The following CPM variants were observed in gnomAD, a reference collection of about 807,000 sequenced individuals.
The protein encoded by CPM is carboxypeptidase M.
A neutral mutation model predicts 46.4 loss-of-function variants in CPM; 35 were observed. The ratio of observed to expected loss-of-function variants is 0.75; its 90% CI spans 0.58 to 1.00. CPM has a LOEUF of 1.00. Ranked by LOEUF, CPM falls within the 50% of genes least tolerant of loss-of-function variation. The pLI is 0.00. For missense variants in CPM, 422 were observed against 530.4 expected (o/e 0.80, Z 2.01); for synonymous variants, 195 against 195.3 (o/e 1.00, Z 0.01).
chr12:68,870,390 A>T lies in CPM; in HGVS notation c.441T>A (p.Tyr147Ter), dbSNP rs1480421919. Residue 147 changes from tyrosine (Y) to a stop codon, truncating the protein, a stop_gained, in exon 5 of 9, where the codon TAT (tyrosine) becomes TAA (stop). Transcript: ENST00000551568. LOFTEE classifies it high-confidence loss of function. ...DCYYSIGREN[Y>*]NQYDLNRNFP... ...AATTTCGATTCAAGTCATACTGGTT[A>T]TAATTTTCCCTTTAAAAGAAAGAAT... The T allele has an allele frequency of 6.2e-7, 1 of 1,613,666 alleles. No individual in the cohort carries two copies.
chr12:68,842,280 G>A (rs1235352331), exon 6 of CPM: 1 of 496,552 alleles, frequency 2.0e-6, no homozygotes, highest in East Asian at 4.7e-5. Flanking sequence ...GGACATCAAA[G>A]AAGTCAGGCA....
chr12:68,897,004 C>T (rs1438268211), intron 2 of CPM, among the ~76,000 whole-genome samples: 1 of 151,590 alleles, frequency 6.6e-6, no homozygotes, highest in Non-Finnish European at 1.5e-5. Context: ...CCCAGAGAAA[C>T]AGAACAGCTT....
At position 68,926,711 on chromosome 12, in the gene CPM, G is replaced by A. The variant is rs563495840; in HGVS notation, c.160+5967C>T. 1.3e-4 allele frequency among the ~76,000 whole-genome samples: 20 copies of A among 151,638 alleles called. No individual in the cohort carries two copies. In the East Asian group the frequency reaches 2.1e-3, roughly 16 times the overall value. ...ATATCTCCTAATGCTATCCCTCCCC[G>A]CTCCCCCAACCCCACAACAGTCCCC... On this transcript the variant is annotated intron_variant, in intron 2 of 8. Transcript: ENST00000551568.
chr12:68,916,602 ATC>A (rs996123812), intron 2 of CPM, among the ~76,000 whole-genome samples: 3 of 152,134 alleles, frequency 2.0e-5, no homozygotes, highest in African/African-American at 7.2e-5. Context: ...CTTAAAGAGA[ATC>A]TCTGGGCTGG....
chr12:68,948,414 T>A (rs2136334033), intron 1 of CPM, among the ~76,000 whole-genome samples: 1 of 152,240 alleles, frequency 6.6e-6, no homozygotes, highest in East Asian at 1.9e-4. Context: ...CCCCAAAATA[T>A]TCAGGTAATA....
chr12:68,946,645 TC>T (rs1888852651), intron 1 of CPM, among the ~76,000 whole-genome samples: 2 of 152,200 alleles, frequency 1.3e-5, no homozygotes, highest in South Asian at 4.1e-4. Context: ...CTCAAAGCAG[TC>T]TGAAAAGTCT....
chr12:68,941,802 T>C (rs916264415), intron 1 of CPM, among the ~76,000 whole-genome samples: 17 of 152,178 alleles, frequency 1.1e-4, no homozygotes, highest in African/African-American at 4.1e-4. Flanking sequence ...CCTACCTCCT[T>C]CAAAGTAGCT....
rs1884964536 is a variant in CPM at position 68,856,273 on chromosome 12, C to T, written c.*164G>A. The T allele has an allele frequency of 1.3e-6, 1 of 750,770 alleles. No individual in the cohort carries two copies. Among genetic ancestry groups the T allele is most frequent in the Non-Finnish European group, 2.2e-6 (1 of 464,436 alleles). The allele number at this position is 750,770 out of a possible 1,614,324, so 46.5% of individuals were successfully genotyped here. A position where few individuals can be genotyped will look rare whatever the true frequency, so the allele number is the denominator to read the frequency against. On this transcript the variant is annotated 3_prime_UTR_variant, in exon 9 of 9. Transcript: ENST00000551568. ...TGAATCATTCTTTTCATTATCACCA[C>T]ATATTGCTTATTGTGGAATTTGGAA...
At chr12:68,895,257 G>A (rs529403621) in intron 2 of CPM, among the ~76,000 whole-genome samples, 1 of 152,190 alleles carries the variant, frequency 6.6e-6, no homozygotes, top group African/African-American at 2.4e-5. Flanking sequence ...GCTCTGGCCA[G>A]TGAAATGTGG....
chr12:68,880,361 C>A (rs1422719610), intron 3 of CPM, among the ~76,000 whole-genome samples: 4 of 152,136 alleles, frequency 2.6e-5, no homozygotes, highest in Non-Finnish European at 1.5e-5. Context: ...TCTGTCAGCT[C>A]CCCAGCAGTC....
intron 5 of CPM, chr12:68,843,710 T>A (rs1331285555): frequency 4.4e-6 from 1 of 224,720 alleles, no homozygotes; most frequent in African/African-American, 2.2e-5. Context: ...TCTCTCTCTC[T>A]CTCTCTGTCT....
At chr12:68,937,915 A>G (rs1191005370), upstream of CPM, among the ~76,000 whole-genome samples, 1 of 152,248 alleles carries the variant, frequency 6.6e-6, no homozygotes, top group Non-Finnish European at 1.5e-5. Flanking sequence ...CTAATTCTGA[A>G]TGAAAACAGG....
chr12:68,912,968 G>A (rs193137760), intron 2 of CPM, among the ~76,000 whole-genome samples: 18 of 152,288 alleles, frequency 1.2e-4, no homozygotes, highest in African/African-American at 4.3e-4. Flanking sequence ...GAGGACTGAT[G>A]TAGTTACTTG....
At chr12:68,919,306 T>G (rs1260433891) in intron 2 of CPM, among the ~76,000 whole-genome samples, 2 of 152,200 alleles carry the variant, frequency 1.3e-5, no homozygotes. Flanking sequence ...TAACTGTCAC[T>G]CTCCATTATA....
At chr12:68,894,066 T>A (rs1293621987) in intron 2 of CPM, among the ~76,000 whole-genome samples, 1 of 152,156 alleles carries the variant, frequency 6.6e-6, no homozygotes, top group African/African-American at 2.4e-5. Flanking sequence ...TTCACAGCTG[T>A]CTTGTCCTCC....
At chr12:68,938,265 A>G (rs1212098798) in intron 1 of CPM, among the ~76,000 whole-genome samples, 2 of 152,106 alleles carry the variant, frequency 1.3e-5, no homozygotes, top group East Asian at 1.9e-4. Context: ...AAACACATTT[A>G]GGGATGGGGC....
At chr12:68,867,584 G>A (rs1885508782) in intron 6 of CPM, among the ~76,000 whole-genome samples, 1 of 152,178 alleles carries the variant, frequency 6.6e-6, no homozygotes, top group East Asian at 1.9e-4. Flanking sequence ...CTTTACAGAT[G>A]AGGAAACATG....
intron 7 of CPM, among the ~76,000 whole-genome samples, chr12:68,859,897 C>A (rs1042237994): frequency 6.6e-6 from 1 of 152,100 alleles, no homozygotes; most frequent in African/African-American, 2.4e-5. Context: ...TTTGTTTACT[C>A]CAGCGTCAAA....
intron 1 of CPM, among the ~76,000 whole-genome samples, chr12:68,956,307 G>T (rs543359201): frequency 3.3e-5 from 5 of 152,196 alleles, no homozygotes; most frequent in Non-Finnish European, 7.3e-5. Flanking sequence ...GAATTCCTGG[G>T]CCCCAAGAGT....
Sources: allele counts gnomAD v4.1 joint callset (sites outside exome capture counted in the v4.1 genomes callset), GRCh38; gene constraint gnomAD v4.1.1; transcripts MANE v1.5; gene names NCBI Gene and HGNC (gene_info 2026-07-23, HGNC 2026-07-21).